The following SGCZ variants were observed in gnomAD, a reference collection of about 807,000 sequenced individuals.
SGCZ encodes zeta-sarcoglycan.
SGCZ carries 40 observed loss-of-function variants against 41.3 expected under a neutral mutation model. The ratio of observed to expected loss-of-function variants is 0.97; its 90% confidence interval spans 0.75 to 1.26. The LOEUF is 1.26. SGCZ is among the 50% of genes most tolerant of loss of function. The probability of loss-of-function intolerance (pLI) is 0.00; values close to 1 mark genes in which losing one functional copy is unlikely to be tolerated. For synonymous variants in SGCZ, 206 were observed against 137.5 expected (o/e 1.50, Z -3.49); for missense variants, 552 against 369.8 (o/e 1.49, Z -4.04).
intron 2 of SGCZ, among the ~76,000 whole-genome samples, chr8:14,392,019 T>C (rs1804793916): frequency 6.6e-6 from 1 of 152,104 alleles, no homozygotes; most frequent in Non-Finnish European, 1.5e-5. Flanking sequence ...GGGATTACAA[T>C]GTGACATGAG....
At chr8:15,041,778 G>A (rs780937968) in intron 1 of SGCZ, among the ~76,000 whole-genome samples, 50 of 140,002 alleles carry the variant, frequency 3.6e-4, no homozygotes, top group Non-Finnish European at 7.5e-4. Flanking sequence ...GGGAACAAAA[G>A]GATGTCAACA....
intron 5 of SGCZ, among the ~76,000 whole-genome samples, chr8:14,148,395 C>T (rs1803593168): frequency 6.6e-6 from 1 of 151,936 alleles, no homozygotes; most frequent in African/African-American, 2.4e-5. Flanking sequence ...TTAGTAGTTA[C>T]TATGAGCAAC....
intron 1 of SGCZ, among the ~76,000 whole-genome samples, chr8:15,198,910 G>C (rs1260894118): frequency 6.6e-6 from 1 of 152,158 alleles, no homozygotes; most frequent in East Asian, 1.9e-4. Flanking sequence ...GAAAAGCATA[G>C]GTTTGCAGGC....
At chr8:14,674,786 TCTC>T (rs1808216793) in intron 1 of SGCZ, among the ~76,000 whole-genome samples, 1 of 151,662 alleles carries the variant, frequency 6.6e-6, no homozygotes, top group South Asian at 2.1e-4. Context: ...TCCCCTGCCC[TCTC>T]CTCCTCCTGC....
chr8:14,263,975 T>C (rs1799770522), intron 3 of SGCZ, among the ~76,000 whole-genome samples: 1 of 152,196 alleles, frequency 6.6e-6, no homozygotes, highest in Admixed American at 6.5e-5. Context: ...CCACAACCTC[T>C]GGCTCCAGGC....
intron 1 of SGCZ, among the ~76,000 whole-genome samples, chr8:14,709,699 A>C (rs1208034106): frequency 1.3e-5 from 2 of 152,180 alleles, no homozygotes; most frequent in African/African-American, 4.8e-5. Flanking sequence ...AAAAAGACAA[A>C]CTATTTAAAA....
intron 2 of SGCZ, among the ~76,000 whole-genome samples, chr8:14,478,131 G>A (rs765474811): frequency 6.6e-6 from 1 of 152,188 alleles, no homozygotes. Flanking sequence ...AAGACAGTTT[G>A]GCAGCATTTT....
intron 5 of SGCZ, among the ~76,000 whole-genome samples, chr8:14,125,185 A>G (rs1802812828): frequency 6.6e-6 from 1 of 152,308 alleles, no homozygotes; most frequent in South Asian, 2.1e-4. Flanking sequence ...ATGCATAGTA[A>G]GAATCACTAT....
intron 2 of SGCZ, among the ~76,000 whole-genome samples, chr8:14,379,216 G>T (rs189828081): frequency 1.3e-5 from 2 of 151,960 alleles, no homozygotes. Flanking sequence ...ATATACCTAG[G>T]AAACCCAGGA....
At chr8:15,016,602 G>A (rs999221625) in intron 1 of SGCZ, among the ~76,000 whole-genome samples, 1 of 152,152 alleles carries the variant, frequency 6.6e-6, no homozygotes, top group Non-Finnish European at 1.5e-5. Flanking sequence ...CTCTATACTA[G>A]GTTAAGAGCA....
At chr8:14,515,261 C>T (rs1028382084) in intron 2 of SGCZ, among the ~76,000 whole-genome samples, 4 of 152,036 alleles carry the variant, frequency 2.6e-5, no homozygotes, top group African/African-American at 9.7e-5. Context: ...CACTCACTGA[C>T]TTATTTAAGT....
intron 1 of SGCZ, among the ~76,000 whole-genome samples, chr8:15,152,252 C>T (rs1414613029): frequency 1.3e-5 from 2 of 151,904 alleles, no homozygotes; most frequent in East Asian, 1.9e-4. Context: ...AAGAACAAAG[C>T]AAGGCAGGAA....
chr8:15,097,886 GTGTATATATATATATATATATATA>G (rs1563124117), intron 1 of SGCZ, among the ~76,000 whole-genome samples: 1 of 19,016 alleles, frequency 5.3e-5, no homozygotes, highest in African/African-American at 1.4e-4. Context: ...ATATATACGT[GTGTATATATATATATATATATATA>G]CGTGTGTATA....
intron 1 of SGCZ, among the ~76,000 whole-genome samples, chr8:14,791,385 G>C (rs1483677988): frequency 6.6e-6 from 1 of 151,916 alleles, no homozygotes; most frequent in Non-Finnish European, 1.5e-5. Flanking sequence ...GCGCCTCTAG[G>C]AGTTATCCTG....
chr8:14,915,453 G>T (rs1585375460), intron 1 of SGCZ, among the ~76,000 whole-genome samples: 1 of 152,142 alleles, frequency 6.6e-6, no homozygotes, highest in Non-Finnish European at 1.5e-5. Context: ...TCAAGCTGCA[G>T]ACATAGACAA....
At chr8:15,150,417 G>A (rs921808292) in intron 1 of SGCZ, among the ~76,000 whole-genome samples, 3 of 152,082 alleles carry the variant, frequency 2.0e-5, no homozygotes, top group Non-Finnish European at 4.4e-5. Context: ...GGTTTCCTTC[G>A]ATGCCCTGGG....
chr8:14,799,331 G>T (rs1409796740), intron 1 of SGCZ, among the ~76,000 whole-genome samples: 1 of 152,078 alleles, frequency 6.6e-6, no homozygotes, highest in African/African-American at 2.4e-5. Context: ...GATGCATTTT[G>T]TAAAAATCAA....
At chr8:14,688,384 A>AAGGGATCC (rs564491960) in intron 1 of SGCZ, among the ~76,000 whole-genome samples, 22 of 152,276 alleles carry the variant, frequency 1.4e-4, no homozygotes, top group African/African-American at 2.4e-4. Flanking sequence ...AGGTGTAAGG[A>AAGGGATCC]AGGGATCCAG....
intron 1 of SGCZ, among the ~76,000 whole-genome samples, chr8:14,733,099 A>T (rs1222639861): frequency 6.6e-6 from 1 of 152,148 alleles, no homozygotes; most frequent in East Asian, 1.9e-4. Flanking sequence ...ACTGACAAGT[A>T]AAACAATCAA....
Sources: gnomAD v4.1 joint callset for allele counts (sites outside exome capture counted in the v4.1 genomes callset) on GRCh38, gnomAD v4.1.1 for gene constraint, MANE v1.5 for transcripts, NCBI Gene and HGNC (gene_info 2026-07-23, HGNC 2026-07-21) for gene names.